Variants in PARD3B observed in about 807,000 individuals in gnomAD.
PARD3B encodes partitioning defective 3 homolog B.
Under a neutral mutation model 130.2 loss-of-function variants are expected in PARD3B, and 103 were observed. The ratio of observed to expected loss-of-function variants is 0.79; its 90% CI spans 0.67 to 0.93. The LOEUF is 0.93. Among genes scored for constraint, PARD3B ranks in the 40% least tolerant of loss-of-function variants. PARD3B has a pLI of 0.00. For synonymous variants in PARD3B, 583 were observed against 553.2 expected (o/e 1.05, Z -0.76); for missense variants, 1,609 against 1,499.2 (o/e 1.07, Z -1.21).
At chr2:205,480,937 T>G (rs2049211435) in intron 20 of PARD3B, among the ~76,000 whole-genome samples, 1 of 152,152 alleles carries the variant, frequency 6.6e-6, no homozygotes, top group Non-Finnish European at 1.5e-5. Flanking sequence ...CAGAGTGTTT[T>G]AGGTGGAAGA....
chr2:205,023,622 G>A (rs1696798161), intron 3 of PARD3B, among the ~76,000 whole-genome samples: 1 of 131,046 alleles, frequency 7.6e-6, no homozygotes, highest in African/African-American at 2.9e-5. Flanking sequence ...CCTAATTACA[G>A]AGCTCCGGCT....
At chr2:204,953,731 A>C (rs1358377288) in intron 2 of PARD3B, among the ~76,000 whole-genome samples, 2 of 152,198 alleles carry the variant, frequency 1.3e-5, no homozygotes, top group Non-Finnish European at 2.9e-5. Context: ...GGTCACAGCA[A>C]CCTAGATTTT....
intron 1 of PARD3B, among the ~76,000 whole-genome samples, chr2:204,657,727 C>G (rs1038828278): frequency 2.6e-5 from 4 of 152,014 alleles, no homozygotes; most frequent in African/African-American, 7.2e-5. Flanking sequence ...ATATTTAGAA[C>G]AAATAGCAAA....
At chr2:204,681,310 C>T (rs2036821518) in intron 1 of PARD3B, among the ~76,000 whole-genome samples, 1 of 152,082 alleles carries the variant, frequency 6.6e-6, no homozygotes, top group Non-Finnish European at 1.5e-5. Context: ...GACTAATTCT[C>T]CCTCATTTTA....
intron 22 of PARD3B, among the ~76,000 whole-genome samples, chr2:205,603,202 T>C (rs560242673): frequency 1.3e-5 from 2 of 152,304 alleles, no homozygotes; most frequent in East Asian, 3.9e-4. Context: ...AGTTCTAAGT[T>C]GGTTGTGCTG....
intron 2 of PARD3B, among the ~76,000 whole-genome samples, chr2:204,914,717 G>A (rs1264697877): frequency 1.3e-5 from 2 of 152,202 alleles, no homozygotes; most frequent in South Asian, 2.1e-4. Context: ...AGGAGCAGCT[G>A]TACAGAGAGA....
At chr2:204,672,136 T>A (rs944020047) in intron 1 of PARD3B, among the ~76,000 whole-genome samples, 3 of 152,210 alleles carry the variant, frequency 2.0e-5, no homozygotes, top group African/African-American at 7.2e-5. Context: ...ACATTGTTTT[T>A]CATGTCTTCA....
At chr2:204,717,227 G>A (rs2038774332) in intron 2 of PARD3B, among the ~76,000 whole-genome samples, 1 of 152,254 alleles carries the variant, frequency 6.6e-6, no homozygotes, top group East Asian at 1.9e-4. Flanking sequence ...TAGATTTAGA[G>A]AAACCTGAGA....
At position 205,185,822 on chromosome 2, in the gene PARD3B, A is replaced by G. The variant is rs2125787443; in HGVS notation, c.1983A>G (p.Pro661=). ...GTGAAGTTCCACCTTCTCCAACACC[A>G]CATTCTGCTCTGGGATTGGGCCTCG... The part of the protein sequence containing the change: ...AESEVPPSPT[P]HSALGLGLED... Residue 661 remains proline, a synonymous_variant, in exon 14 of 23, where the codon CCA becomes CCG. Coordinates refer to ENST00000406610, the MANE Select transcript of PARD3B (RefSeq NM_001302769.2). 1 of 1,614,080 alleles carries G rather than the reference A, an allele frequency of 6.2e-7. No individual in the cohort carries two copies.
rs1693201296 is a variant in PARD3B, at chr2:204,545,501, C to T, written c.-499C>T. Among the ~76,000 whole-genome samples the T allele has an allele frequency of 6.6e-6, 1 of 152,110 alleles. No individual in the cohort carries two copies. Among genetic ancestry groups the T allele is most frequent in the Admixed American group, 6.5e-5 (1 of 15,298 alleles). ...CCGCAGGAGCCCAGAGCGCGGGCGC[C>T]GCAGAGGAGTTGGGAGCCGGCGCAA... On this transcript the variant is annotated 5_prime_UTR_variant, in exon 1 of 23. Coordinates refer to ENST00000406610, the MANE Select transcript of PARD3B (RefSeq NM_001302769.2).
At chr2:205,196,370 C>T (rs932931456) in intron 15 of PARD3B, among the ~76,000 whole-genome samples, 1 of 151,602 alleles carries the variant, frequency 6.6e-6, no homozygotes, top group Admixed American at 6.6e-5. Context: ...TAAGATTTTG[C>T]AATTTGTTTA....
chr2:204,889,326 A>G (rs924915049), intron 2 of PARD3B, among the ~76,000 whole-genome samples: 67 of 152,344 alleles, frequency 4.4e-4, no homozygotes, highest in African/African-American at 1.5e-3. Flanking sequence ...TAGCTTTTAT[A>G]GAGAATGCCC....
intron 1 of PARD3B, among the ~76,000 whole-genome samples, chr2:204,555,581 A>G (rs1398464727): frequency 6.6e-6 from 1 of 152,148 alleles, no homozygotes. Flanking sequence ...ATCCATGAGT[A>G]TGAGTATATG....
At chr2:204,691,815 TATGA>T (rs1185211564) in intron 2 of PARD3B, among the ~76,000 whole-genome samples, 1 of 145,450 alleles carries the variant, frequency 6.9e-6, no homozygotes, top group South Asian at 2.1e-4. Flanking sequence ...ACAAAACTGA[TATGA>T]ATGAAGTTAT....
intron 1 of PARD3B, among the ~76,000 whole-genome samples, chr2:204,658,548 G>A (rs1484599969): frequency 1.3e-5 from 2 of 152,106 alleles, no homozygotes; most frequent in Non-Finnish European, 2.9e-5. Flanking sequence ...CATTCACTTT[G>A]TCAGTTACCT....
At chr2:205,270,259 G>A (rs2040669796) in intron 16 of PARD3B, among the ~76,000 whole-genome samples, 1 of 152,084 alleles carries the variant, frequency 6.6e-6, no homozygotes, top group Non-Finnish European at 1.5e-5. Context: ...GCTCTAGGCT[G>A]CAGATAACAG....
chr2:205,523,259 T>A (rs1313852774), intron 21 of PARD3B, among the ~76,000 whole-genome samples: 9 of 147,806 alleles, frequency 6.1e-5, no homozygotes, highest in East Asian at 2.0e-4. Flanking sequence ...ATATATATAT[T>A]TTTGAGATGG....
intron 2 of PARD3B, among the ~76,000 whole-genome samples, chr2:204,964,515 G>A (rs918914052): frequency 2.6e-5 from 4 of 152,154 alleles, no homozygotes; most frequent in South Asian, 4.1e-4. Flanking sequence ...ATTGGACTTA[G>A]CATTCCATTG....
rs1176818041 is a variant in PARD3B, at chr2:205,176,766, C to T, written c.1924+189C>T. 6.6e-6 allele frequency among the ~76,000 whole-genome samples: 1 copy of T among 152,076 alleles called. No homozygotes were observed. ...CAGAACTTGTGAATCAGATTCCTGG[C>T]AATGTCTCTAGTTTAAGTGACACTT... is the stretch of plus-strand genomic sequence containing the variant. On this transcript the variant is annotated intron_variant, in intron 13 of 22. Coordinates refer to ENST00000406610, the MANE Select transcript of PARD3B (RefSeq NM_001302769.2). This position sits in a 1 kb window ranked among gnomAD's most constrained non-coding sequence, Gnocchi z 5.3.
Sources: allele counts gnomAD v4.1 joint callset (sites outside exome capture counted in the v4.1 genomes callset), GRCh38; gene constraint gnomAD v4.1.1; non-coding constraint Gnocchi (gnomAD v3.1); transcripts MANE v1.5; gene names NCBI Gene and HGNC (gene_info 2026-07-23, HGNC 2026-07-21).